The following GPRIN3 variants were observed in gnomAD, a reference collection of about 807,000 sequenced individuals.
The protein encoded by GPRIN3 is G protein-regulated inducer of neurite outgrowth 3.
A neutral mutation model predicts 13.7 loss-of-function variants in GPRIN3; 12 were observed. The ratio of observed to expected loss-of-function variants is 0.87; its 90% CI spans 0.56 to 1.42. The LOEUF is 1.42. Ranked by LOEUF, GPRIN3 falls within the 40% of genes most tolerant of loss-of-function variation. The pLI is 0.00. For synonymous variants in GPRIN3, 377 were observed against 372.7 expected (o/e 1.01, Z -0.13); for missense variants, 1,009 against 958.7 (o/e 1.05, Z -0.69).
At position 89,240,581 on chromosome 4, in the gene GPRIN3, C is replaced by A. The variant is rs924706372; in HGVS notation, c.*7199G>T. The A allele has an allele frequency of 7.9e-5, 12 of 152,248 alleles. No homozygotes were observed. The highest frequency in any genetic ancestry group is 2.6e-4 in the African/African-American group (11 of 41,532). The allele number at this position is 152,248 out of a possible 1,614,324, so 9.4% of individuals were successfully genotyped here. On this transcript the variant is annotated 3_prime_UTR_variant, in exon 2 of 2. Transcript: ENST00000609438. ...ATAATCGATTTTCATCCCTGTTTGC[C>A]ATTTCCAGATATGAAATTAGGTGCT...
At chr4:89,287,751 G>T (rs1377018351) in intron 1 of GPRIN3, among the ~76,000 whole-genome samples, 1 of 152,188 alleles carries the variant, frequency 6.6e-6, no homozygotes, top group Non-Finnish European at 1.5e-5. Context: ...AGTAAAACAT[G>T]AATGACTCCA....
Position 89,249,820 on chromosome 4 carries a change from G to A in GPRIN3, c.291C>T (p.Pro97=), listed in dbSNP as rs141470892. ...VQKAPATFNS[P]GNPQLPGSSQ... ...TGCTCCCTGGCAGCTGGGGATTGCC[G>A]GGAGAGTTGAATGTGGCAGGTGCTT... is the stretch of plus-strand genomic sequence containing the variant. Residue 97 remains proline (P), a synonymous_variant, in exon 2 of 2, where the codon CCC becomes CCT. Transcript: ENST00000609438. 3.1e-4 allele frequency: 507 copies of A among 1,614,172 alleles called. No homozygotes were observed. The African/African-American group carries it at 5.0e-3, about 16-fold the overall frequency.
At chr4:89,293,870 G>A (rs553097720) in intron 1 of GPRIN3, among the ~76,000 whole-genome samples, 1 of 152,090 alleles carries the variant, frequency 6.6e-6, no homozygotes, top group African/African-American at 2.4e-5. Flanking sequence ...TAAGTGATAG[G>A]GATTCCATTA....
chr4:89,290,756 G>A (rs1724549255), intron 1 of GPRIN3, among the ~76,000 whole-genome samples: 1 of 152,138 alleles, frequency 6.6e-6, no homozygotes, highest in African/African-American at 2.4e-5. Context: ...TGTAGTGCAG[G>A]ATTTCTCATT....
intron 1 of GPRIN3, among the ~76,000 whole-genome samples, chr4:89,269,480 G>A (rs1023542794): frequency 2.6e-5 from 4 of 151,968 alleles, no homozygotes; most frequent in African/African-American, 9.7e-5. Flanking sequence ...CCTCCAAAAG[G>A]CTAGTGTATT....
In GPRIN3 at chr4:89,248,178, G is replaced by A. The variant is rs1228095331; in HGVS notation, c.1933C>T (p.Gln645Ter). 6.2e-7 allele frequency: 1 copy of A among 1,614,134 alleles called. No homozygotes were observed. The highest frequency in any genetic ancestry group is 1.1e-5 in the South Asian group (1 of 91,090). Residue 645 changes from glutamine (Q) to a stop codon, truncating the protein, a stop_gained, in exon 2 of 2, where the codon CAA becomes TAA. Coordinates refer to ENST00000609438, the MANE Select transcript of GPRIN3 (RefSeq NM_198281.3). LOFTEE classifies it high-confidence loss of function. ...PSRVSEFLKE[Q>*]KLNVTAAAAQ... ...GCAGCTGCTGTCACATTTAACTTTT[G>A]CTCCTTGAGGAACTCGCTGACGCGG...
At chr4:89,263,791 A>T (rs531281187) in intron 1 of GPRIN3, among the ~76,000 whole-genome samples, 207 of 152,282 alleles carry the variant, frequency 1.4e-3, no homozygotes, top group Non-Finnish European at 2.2e-3. Flanking sequence ...AGGCCCAGAG[A>T]ATTTCAGCTC....
At chr4:89,297,377 A>G (rs956441077) in intron 1 of GPRIN3, among the ~76,000 whole-genome samples, 1 of 152,236 alleles carries the variant, frequency 6.6e-6, no homozygotes, top group Admixed American at 6.5e-5. Context: ...AAAGTGCCTC[A>G]AGTGTTTTTT....
At position 89,270,780 on chromosome 4, in the gene GPRIN3, G is replaced by A. The variant is rs556093431; in HGVS notation, c.-123-20547C>T. ...TTTGCTATAAATTTCATGCATCAAG[G>A]TACACATAGGAGAAACAATAACTAA... On this transcript the variant is annotated intron_variant, in intron 1 of 1. Coordinates refer to ENST00000609438, the MANE Select transcript of GPRIN3 (RefSeq NM_198281.3). Among the ~76,000 whole-genome samples the A allele has an allele frequency of 1.8e-3, 267 of 151,406 alleles. 2 individuals are homozygous for A. Among genetic ancestry groups the A allele is most frequent in the Non-Finnish European group, 2.8e-3 (193 of 67,860 alleles).
chr4:89,249,511 C>T lies in GPRIN3; in HGVS notation c.600G>A (p.Gln200=), dbSNP rs1405578082. The T allele has an allele frequency of 6.2e-7, 1 of 1,614,040 alleles. No homozygotes were observed. Among genetic ancestry groups the T allele is most frequent in the Non-Finnish European group, 8.5e-7 (1 of 1,180,028 alleles). The part of the protein sequence containing the change: ...PSPETIQGTV[Q]TPVTAARVVS... ...CCACCCTGGCTGCTGTCACTGGAGT[C>T]TGCACTGTTCCCTGGATTGTTTCTG... Residue 200 remains glutamine, a synonymous_variant, in exon 2 of 2, where the codon CAG becomes CAA. Transcript: ENST00000609438.
intron 1 of GPRIN3, among the ~76,000 whole-genome samples, chr4:89,305,883 T>C (rs758908276): frequency 6.6e-6 from 1 of 152,186 alleles, no homozygotes; most frequent in African/African-American, 2.4e-5. Flanking sequence ...CTACTTCCCA[T>C]GTGAAGCTGA....
chr4:89,264,856 T>C (rs1269949843), intron 1 of GPRIN3, among the ~76,000 whole-genome samples: 5 of 152,170 alleles, frequency 3.3e-5, no homozygotes, highest in Admixed American at 2.0e-4. Flanking sequence ...ATTTACCCAT[T>C]TATTGTGAGT....
chr4:89,263,280 C>G (rs1175861385), intron 1 of GPRIN3, among the ~76,000 whole-genome samples: 1 of 152,188 alleles, frequency 6.6e-6, no homozygotes, highest in Non-Finnish European at 1.5e-5. Context: ...TACATTTGGG[C>G]ACAATTTAAA....
Position 89,247,861 on chromosome 4 carries a change from G to A in GPRIN3, c.2250C>T (p.His750=). 6.2e-7 allele frequency: 1 copy of A among 1,614,152 alleles called. No homozygotes were observed. The change falls in exon 2 of 2, where the codon CAC becomes CAT. Residue 750 remains histidine, a synonymous_variant. Coordinates refer to ENST00000609438, the MANE Select transcript of GPRIN3 (RefSeq NM_198281.3). ...TCTGCAGCATGGACTGGAAAACACT[G>A]TGCTGCCTTCCTCTGAGCTTCTTAT... is the stretch of plus-strand genomic sequence containing the variant. ...SSNKKLRGRQ[H]SVFQSMLQNF...
chr4:89,307,118 T>C (rs1437174639), intron 1 of GPRIN3, among the ~76,000 whole-genome samples: 1 of 152,104 alleles, frequency 6.6e-6, no homozygotes, highest in Non-Finnish European at 1.5e-5. Flanking sequence ...TGCCCGCCCT[T>C]CCTCTTCTTT....
At position 89,247,508 on chromosome 4, in the gene GPRIN3, A is replaced by G. The variant is rs1578067311; in HGVS notation, c.*272T>C. 1.6e-5 allele frequency: 6 copies of G among 366,376 alleles called. No homozygotes were observed. The East Asian group carries it at 2.8e-4, about 17-fold the overall frequency. 22.7% of individuals were successfully genotyped at this position (366,376 alleles called of 1,614,324 possible). Reference sequence around the variant, plus strand: ...TTCTATGAACAACATCATATTTTTAAAAACCCAGTGAGTATTATTTTCAAT... The same window carrying G: ...TTCTATGAACAACATCATATTTTTAGAAACCCAGTGAGTATTATTTTCAAT... On this transcript the variant is annotated 3_prime_UTR_variant, in exon 2 of 2. Transcript: ENST00000609438.
intron 1 of GPRIN3, among the ~76,000 whole-genome samples, chr4:89,255,121 C>A (rs930856486): frequency 6.6e-6 from 1 of 152,168 alleles, no homozygotes; most frequent in Non-Finnish European, 1.5e-5. Flanking sequence ...AATTTGCAGG[C>A]CTCTGAGGGC....
intron 1 of GPRIN3, among the ~76,000 whole-genome samples, chr4:89,257,540 A>G (rs540034832): frequency 2.0e-5 from 3 of 152,292 alleles, no homozygotes; most frequent in East Asian, 1.9e-4. Flanking sequence ...GAACAGCTCT[A>G]TAAGGATGGT....
rs1263763644 is a variant in GPRIN3 at position 89,240,208 on chromosome 4, C to G, written c.*7572G>C. The G allele has an allele frequency of 6.6e-6, 1 of 152,180 alleles. No individual in the cohort carries two copies. The highest frequency in any genetic ancestry group is 2.4e-5 in the African/African-American group (1 of 41,428). The allele number at this position is 152,180 out of a possible 1,614,324, so 9.4% of individuals were successfully genotyped here. On this transcript the variant is annotated 3_prime_UTR_variant, in exon 2 of 2. Transcript: ENST00000609438. Reference sequence around the variant, plus strand: ...GATTCTAATGTTGTTAGAATCCACACAGTATTACCTGTTATTGATAATACT... The same window carrying G: ...GATTCTAATGTTGTTAGAATCCACAGAGTATTACCTGTTATTGATAATACT...
Sources: allele counts gnomAD v4.1 joint callset (sites outside exome capture counted in the v4.1 genomes callset), GRCh38; gene constraint gnomAD v4.1.1; transcripts MANE v1.5; gene names NCBI Gene and HGNC (gene_info 2026-07-23, HGNC 2026-07-21).